Variants in NAALADL2 observed in about 807,000 individuals in gnomAD.
NAALADL2 encodes inactive N-acetylated-alpha-linked acidic dipeptidase-like protein 2.
A neutral mutation model predicts 87.2 loss-of-function variants in NAALADL2; 76 were observed. The observed-to-expected ratio is 0.87, with a 90% confidence interval of 0.72 to 1.05. NAALADL2 has a LOEUF of 1.05. Among genes scored for constraint, NAALADL2 ranks in the 50% least tolerant of loss-of-function variants. The pLI is 0.00. For missense variants in NAALADL2, 1,089 were observed against 945.8 expected, an observed-to-expected ratio of 1.15 and a Z score of -1.99; for synonymous variants, 354 against 331.0, an observed-to-expected ratio of 1.07 and a Z score of -0.75.
chr3:174,460,386 AT>A (rs1716137868), intron 1 of NAALADL2, among the ~76,000 whole-genome samples: 1 of 152,026 alleles, frequency 6.6e-6, no homozygotes, highest in Non-Finnish European at 1.5e-5. Context: ...TTATTGTGTC[AT>A]TTTTTGATAG....
rs756553332 is a variant in NAALADL2, at chr3:175,796,175, G to GCC, written c.2190-6830_2190-6829insCC. 1.6e-4 allele frequency among the ~76,000 whole-genome samples: 24 copies of GCC among 151,934 alleles called. No individual in the cohort carries two copies. In the East Asian group the frequency reaches 4.7e-3, roughly 29 times the overall value. On this transcript the variant is annotated intron_variant, in intron 13 of 13. Transcript: ENST00000454872. The stretch of plus-strand genomic sequence containing the variant: ...CATGGTAGCTTGCCAAAACTGTGGG[G>GCC]AGGGGAAGGAGAGAGAAAGCAGCAT...
intron 5 of NAALADL2, among the ~76,000 whole-genome samples, chr3:175,357,786 T>C (rs1764559565): frequency 6.6e-6 from 1 of 152,190 alleles, no homozygotes; most frequent in South Asian, 2.1e-4. Context: ...TAGGTGTGCC[T>C]AGGGAGGTTC....
intron 1 of NAALADL2, among the ~76,000 whole-genome samples, chr3:174,864,825 G>T (rs2109561545): frequency 6.6e-6 from 1 of 152,034 alleles, no homozygotes; most frequent in African/African-American, 2.4e-5. Flanking sequence ...TTTGGGGGAG[G>T]ACTATTAACC....
At chr3:174,912,823 ATC>A (rs1252600663) in intron 1 of NAALADL2, among the ~76,000 whole-genome samples, 11 of 152,148 alleles carry the variant, frequency 7.2e-5, no homozygotes, top group African/African-American at 2.4e-4. Flanking sequence ...GGCATCATTA[ATC>A]TCTCATCATT....
intron 3 of NAALADL2, among the ~76,000 whole-genome samples, chr3:174,845,282 T>A (rs984614529): frequency 6.6e-6 from 1 of 152,164 alleles, no homozygotes; most frequent in Non-Finnish European, 1.5e-5. Context: ...CAGGATTTTC[T>A]ATGTTCAGGT....
At chr3:175,486,124 A>T (rs892697211) in intron 9 of NAALADL2, among the ~76,000 whole-genome samples, 44 of 152,168 alleles carry the variant, frequency 2.9e-4, no homozygotes, top group African/African-American at 9.9e-4. Flanking sequence ...CCTACTTCAA[A>T]AAGTTGTTCT....
intron 3 of NAALADL2, among the ~76,000 whole-genome samples, chr3:174,820,903 T>G (rs1721350032): frequency 6.6e-6 from 1 of 152,212 alleles, no homozygotes; most frequent in Admixed American, 6.5e-5. Context: ...TTGTGTTATT[T>G]TTCACAGAAA....
At chr3:175,133,282 C>T (rs1485209486) in intron 2 of NAALADL2, among the ~76,000 whole-genome samples, 3 of 152,224 alleles carry the variant, frequency 2.0e-5, no homozygotes, top group Admixed American at 6.5e-5. Context: ...AGACGATGGG[C>T]GGCCAGGCAG....
At chr3:175,610,966 C>G (rs957781582) in intron 10 of NAALADL2, among the ~76,000 whole-genome samples, 2 of 151,966 alleles carry the variant, frequency 1.3e-5, no homozygotes, top group African/African-American at 4.8e-5. Context: ...CAATAGCACT[C>G]TGAAGGTGAT....
At chr3:175,497,099 G>T (rs1410538155) in intron 9 of NAALADL2, among the ~76,000 whole-genome samples, 1 of 151,918 alleles carries the variant, frequency 6.6e-6, no homozygotes, top group African/African-American at 2.4e-5. Flanking sequence ...TTAGAGACAG[G>T]TTCTCACTCT....
At chr3:174,872,659 C>G (rs1359235832) in intron 1 of NAALADL2, among the ~76,000 whole-genome samples, 1 of 152,040 alleles carries the variant, frequency 6.6e-6, no homozygotes, top group Non-Finnish European at 1.5e-5. Context: ...CATAGCCGCT[C>G]ATAGCTTACT....
intron 2 of NAALADL2, among the ~76,000 whole-genome samples, chr3:174,688,476 CAT>C (rs5854587): frequency 0.75 from 114,076 of 151,740 alleles, 43,053 homozygotes; most frequent in East Asian, 0.89. Flanking sequence ...AAACCTATCT[CAT>C]ATAGTTGTTG....
intron 1 of NAALADL2, among the ~76,000 whole-genome samples, chr3:175,002,044 A>C (rs1310655088): frequency 6.6e-6 from 1 of 152,208 alleles, no homozygotes; most frequent in Non-Finnish European, 1.5e-5. Context: ...GCATGTGTGC[A>C]GGCCACATGC....
intron 5 of NAALADL2, among the ~76,000 whole-genome samples, chr3:175,367,175 T>G (rs931548265): frequency 7.2e-5 from 11 of 151,756 alleles, no homozygotes; most frequent in Admixed American, 2.6e-4. Context: ...GTTGTAGATA[T>G]GCGGCGTTAT....
chr3:175,468,210 A>T (rs543692377), intron 8 of NAALADL2, among the ~76,000 whole-genome samples: 6 of 152,220 alleles, frequency 3.9e-5, no homozygotes, highest in Admixed American at 6.5e-5. Context: ...AGATGAAAAA[A>T]TTTTTTCAGT....
chr3:175,170,539 T>C (rs188842282), intron 2 of NAALADL2, among the ~76,000 whole-genome samples: 8 of 148,792 alleles, frequency 5.4e-5, no homozygotes, highest in African/African-American at 1.7e-4. Flanking sequence ...AGAAGAGAGA[T>C]AAAAGATGTG....
At chr3:174,811,017 C>A (rs1720126671) in intron 3 of NAALADL2, among the ~76,000 whole-genome samples, 1 of 152,182 alleles carries the variant, frequency 6.6e-6, no homozygotes, top group Non-Finnish European at 1.5e-5. Context: ...TTGTGGCTCC[C>A]ACATGGTGTT....
intron 9 of NAALADL2, among the ~76,000 whole-genome samples, chr3:175,560,771 G>A (rs562324963): frequency 2.6e-5 from 4 of 152,162 alleles, no homozygotes; most frequent in South Asian, 2.1e-4. Context: ...ACAGGCACGC[G>A]CCATCATGCC....
chr3:175,069,502 T>G (rs1405395497), intron 1 of NAALADL2, among the ~76,000 whole-genome samples: 1 of 149,660 alleles, frequency 6.7e-6, no homozygotes, highest in East Asian at 1.9e-4. Flanking sequence ...CATTAAAAAG[T>G]CAGGAAACAA....
Sources: gnomAD v4.1 joint callset for allele counts (sites outside exome capture counted in the v4.1 genomes callset) on GRCh38, gnomAD v4.1.1 for gene constraint, MANE v1.5 for transcripts, NCBI Gene and HGNC (gene_info 2026-07-23, HGNC 2026-07-21) for gene names.